The following MCF2L variants were observed in gnomAD, a reference collection of about 807,000 sequenced individuals.
MCF2L encodes MCF.2 cell line derived transforming sequence like, also known as guanine nucleotide exchange factor DBS.
A neutral mutation model predicts 153.4 loss-of-function variants in MCF2L; 97 were observed. That is an observed-to-expected ratio of 0.63 (90% CI 0.54 to 0.75). The LOEUF is 0.75. Ranked by LOEUF, MCF2L falls within the 30% of genes least tolerant of loss-of-function variation. The pLI is 0.00. For synonymous variants in MCF2L, 659 were observed against 632.2 expected (o/e 1.04, Z -0.64); for missense variants, 1,347 against 1,495.2 (o/e 0.90, Z 1.64).
At chr13:112,917,485 A>C in intron 2 of MCF2L, 2 of 298,602 alleles carry the variant, frequency 6.7e-6, no homozygotes, top group Non-Finnish European at 1.3e-5. Context: ...GTCCCTCCCC[A>C]CCGCCGTCTC....
chr13:113,077,557 T>A (rs2033626407), intron 13 of MCF2L, among the ~76,000 whole-genome samples: 1 of 152,172 alleles, frequency 6.6e-6, no homozygotes, highest in Admixed American at 6.5e-5. Flanking sequence ...AGAGGAACCA[T>A]CTCCGGCCTT....
At chr13:112,979,239 T>C in intron 1 of MCF2L, 2 of 884,976 alleles carry the variant, frequency 2.3e-6, no homozygotes, top group Non-Finnish European at 2.7e-6. Context: ...TGGAAGGTGT[T>C]TTTGGCTTGC....
chr13:113,086,151 G>A lies in MCF2L; in HGVS notation c.2275G>A (p.Glu759Lys), dbSNP rs1441026981. Residue 759 changes from glutamate (E) to lysine (K), a missense_variant, in exon 21 of 30, where the codon GAG (glutamate) becomes AAG (lysine). By Grantham distance (56) the Glu-to-Lys change is moderately conservative. Transcript: ENST00000535094. The stretch of plus-strand genomic sequence containing the variant: ...AATGCTGAAATACAGCAGGAACTGC[G>A]AGGGGGCTGAGGACCTGCAGGAGGC... Reference protein sequence around the residue: ...KEMLKYSRNCEGAEDLQEALS... With the variant: ...KEMLKYSRNCKGAEDLQEALS... 1.2e-5 allele frequency: 19 copies of A among 1,609,660 alleles called. No individual in the cohort carries two copies. The highest frequency in any genetic ancestry group is 1.7e-4 in the Middle Eastern group (1 of 6,046).
At chr13:112,968,856 C>T, upstream of MCF2L, 1 of 1,050,998 alleles carries the variant, frequency 9.5e-7, no homozygotes, top group Non-Finnish European at 1.3e-6. Context: ...TTGTGCGGCA[C>T]CCGCGGGGCT....
chr13:112,939,197 A>G (rs962135547), intron 2 of MCF2L, among the ~76,000 whole-genome samples: 6 of 152,150 alleles, frequency 3.9e-5, no homozygotes, highest in Non-Finnish European at 5.9e-5. Flanking sequence ...ATTTTGTTTT[A>G]TAGTCTGAGC....
chr13:112,925,708 G>A (rs1017768251), intron 2 of MCF2L, among the ~76,000 whole-genome samples: 1 of 152,098 alleles, frequency 6.6e-6, no homozygotes, highest in African/African-American at 2.4e-5. Context: ...ATGTTCTTTA[G>A]CTGACCTGGG....
rs145472530 is a variant in MCF2L at position 113,000,008 on chromosome 13, G to A, written c.80-14755G>A. Reference sequence around the variant, plus strand: ...TGGCGAGTGGGCCGGGAATGAAGACGCCGGCAGGCCCCAGAGTGGAGGCAG... The same window carrying A: ...TGGCGAGTGGGCCGGGAATGAAGACACCGGCAGGCCCCAGAGTGGAGGCAG... On this transcript the variant is annotated intron_variant, in intron 1 of 29. Coordinates refer to ENST00000535094, the MANE Select transcript of MCF2L (RefSeq NM_001112732.3). Among the ~76,000 whole-genome samples the A allele has an allele frequency of 4.6e-3, 697 of 151,622 alleles. 18 individuals are homozygous for A. The East Asian group carries it at 0.094, about 20-fold the overall frequency.
chr13:113,066,035 T>C lies in MCF2L; in HGVS notation c.757-11T>C. 1 of 1,612,084 alleles carries C rather than the reference T, an allele frequency of 6.2e-7. No individual in the cohort carries two copies. The highest frequency in any genetic ancestry group is 1.1e-5 in the South Asian group (1 of 90,896). On this transcript the variant is annotated splice_polypyrimidine_tract_variant and intron_variant, in intron 7 of 29. Coordinates refer to ENST00000535094, the MANE Select transcript of MCF2L (RefSeq NM_001112732.3). ...ACGGGGCCGGGACATGAGGCTGCATTCTCTCCACAGGAGGATTTGAGGCTG... is the reference window on the plus strand; with the variant it reads ...ACGGGGCCGGGACATGAGGCTGCATCCTCTCCACAGGAGGATTTGAGGCTG...
At chr13:112,958,724 C>T (rs2140743360) in intron 2 of MCF2L, among the ~76,000 whole-genome samples, 1 of 152,320 alleles carries the variant, frequency 6.6e-6, no homozygotes, top group African/African-American at 2.4e-5. Context: ...GGCCTCTCCT[C>T]ATGCAGCTCC....
At chr13:112,909,246 C>A (rs773984442) in intron 2 of MCF2L, 8 of 779,806 alleles carry the variant, frequency 1.0e-5, no homozygotes, top group South Asian at 9.4e-5. Flanking sequence ...GCTTGTGATT[C>A]CAGCAGAGGT....
At position 113,066,162 on chromosome 13, in the gene MCF2L, C is replaced by G; in HGVS notation, c.873C>G (p.Thr291=). The change falls in exon 8 of 30, where the codon ACC becomes ACG. Residue 291 remains threonine, a synonymous_variant. Coordinates refer to ENST00000535094, the MANE Select transcript of MCF2L (RefSeq NM_001112732.3). ...VNQDQLDNQA[T]VQRLLAQLNE... ...AGGACCAGCTTGACAACCAGGCCAC[C>G]GTGCAGAGGTGAGGCCCGGCTGCCT... The G allele has an allele frequency of 6.2e-7, 1 of 1,610,552 alleles. No individual in the cohort carries two copies. The highest frequency in any genetic ancestry group is 8.5e-7 in the Non-Finnish European group (1 of 1,178,706).
In MCF2L at chr13:113,027,565, C is replaced by A. The variant is rs2085389033; in HGVS notation, c.278+2807C>A. Among the ~76,000 whole-genome samples, 1 of 152,146 alleles carries A rather than the reference C, an allele frequency of 6.6e-6. No homozygotes were observed. On this transcript the variant is annotated intron_variant, in intron 3 of 29. Transcript: ENST00000535094. The surrounding 1 kb of genome is among the most constrained non-coding windows in gnomAD (Gnocchi z 4.8). ...CTTGTCTGTTGTGAGAATCTTGCAC[C>A]CCCTATGCGCCAGGCTCTGCTGGCT...
At chr13:113,083,896 G>A (rs1016638460) in intron 17 of MCF2L, 102 bp from the exon 18 acceptor site, 6 of 868,824 alleles carry the variant, frequency 6.9e-6, no homozygotes, top group Non-Finnish European at 1.2e-5. Context: ...ATTGCCCAGA[G>A]CAAGGCGTAA....
intron 2 of MCF2L, among the ~76,000 whole-genome samples, chr13:112,944,624 T>A (rs1279498484): frequency 7.0e-6 from 1 of 143,240 alleles, no homozygotes; most frequent in Non-Finnish European, 1.5e-5. Context: ...CAGGCTGGAG[T>A]GCAGTGGCGC....
intron 2 of MCF2L, among the ~76,000 whole-genome samples, chr13:112,927,563 T>C (rs576257377): frequency 1.3e-5 from 2 of 152,300 alleles, no homozygotes; most frequent in Non-Finnish European, 2.9e-5. Context: ...TGACTCTTTA[T>C]AAAACATCAA....
intron 2 of MCF2L, chr13:112,909,304 G>A (rs1008314015): frequency 1.0e-5 from 8 of 779,778 alleles, no homozygotes; most frequent in Non-Finnish European, 1.9e-5. Context: ...GTCTCGGGAG[G>A]CACTCGGCAG....
rs753557063 is a variant in MCF2L, at chr13:112,979,538, G to T, written c.79+10080G>T. On this transcript the variant is annotated intron_variant, in intron 1 of 29. Coordinates refer to ENST00000535094, the MANE Select transcript of MCF2L (RefSeq NM_001112732.3). ...TGTCTCTTGTGACCATGCGGCACCC[G>T]CCCGGCTTTTAGCTGTCGCAGCAGA... 3.5e-5 allele frequency: 53 copies of T among 1,511,324 alleles called. 1 individual carries two copies. The Admixed American group carries it at 7.4e-4, about 21-fold the overall frequency. The allele number at this position is 1,511,324 out of a possible 1,614,324, so 93.6% of individuals were successfully genotyped here. A position where few individuals can be genotyped will look rare whatever the true frequency, so the allele number is the denominator to read the frequency against.
intron 1 of MCF2L, among the ~76,000 whole-genome samples, chr13:112,974,792 G>C (rs185074216): frequency 1.3e-5 from 2 of 152,322 alleles, no homozygotes; most frequent in East Asian, 3.9e-4. Flanking sequence ...TGCTATGTCT[G>C]ACAAACACAT....
rs9604009 is a variant in MCF2L at position 112,983,632 on chromosome 13, C to G, written c.79+14174C>G. On this transcript the variant is annotated intron_variant, in intron 1 of 29. Transcript: ENST00000535094. This position sits in a 1 kb window ranked among gnomAD's most constrained non-coding sequence, Gnocchi z 4.0. ...CCTGTGGCCTCTTTACAGCTCTGTC[C>G]CCTGCCTTATCTCGCTGGCTCTGCC... Among the ~76,000 whole-genome samples, 10,545 of 152,272 alleles carry G rather than the reference C, an allele frequency of 0.069. 1,130 individuals carry two copies. Among genetic ancestry groups the G allele is most frequent in the African/African-American group, 0.22 (9,322 of 41,524 alleles).
Sources: gnomAD v4.1 joint callset for allele counts (sites outside exome capture counted in the v4.1 genomes callset) on GRCh38, gnomAD v4.1.1 for gene constraint, Gnocchi (gnomAD v3.1) non-coding constraint, MANE v1.5 for transcripts, NCBI Gene and HGNC (gene_info 2026-07-23, HGNC 2026-07-21) for gene names.